Variants in LVRN observed in about 807,000 individuals in gnomAD.
LVRN encodes the protein aminopeptidase Q.
A neutral mutation model predicts 111.4 loss-of-function variants in LVRN; 99 were observed. The ratio of observed to expected loss-of-function variants is 0.89; its 90% confidence interval spans 0.76 to 1.05. LVRN has a LOEUF of 1.05. LVRN is among the 50% of genes least tolerant of loss of function. The pLI is 0.00. For synonymous variants in LVRN, 488 were observed against 449.5 expected (o/e 1.09, Z -1.08); for missense variants, 1,414 against 1,206.8 (o/e 1.17, Z -2.54).
At chr5:115,995,793 A>G (rs1176011004) in intron 6 of LVRN, among the ~76,000 whole-genome samples, 1 of 152,246 alleles carries the variant, frequency 6.6e-6, no homozygotes, top group East Asian at 1.9e-4. Context: ...ACTGAGGTAT[A>G]GAAGCATTAA....
chr5:115,969,024 A>T (rs766264987), intron 1 of LVRN, among the ~76,000 whole-genome samples: 7 of 152,194 alleles, frequency 4.6e-5, no homozygotes, highest in Admixed American at 6.5e-5. Context: ...CTTGACTGTT[A>T]TGAAGGAATG....
Position 116,015,723 on chromosome 5 carries a change from CAAAAGA to C in LVRN, c.2715_2720del (p.Lys906_Asp907del). Reference sequence around the variant, plus strand: ...TCATCTGAAGTTGGCCGGTATGTCGCAAAAGACTTCTTAGTCAACAACTGGCAAGCT... The same window carrying C: ...TCATCTGAAGTTGGCCGGTATGTCGCCTTCTTAGTCAACAACTGGCAAGCT... On this transcript the variant is annotated inframe_deletion, in exon 18 of 20. Coordinates refer to ENST00000357872, the MANE Select transcript of LVRN (RefSeq NM_173800.5). 2.5e-6 allele frequency: 4 copies of C among 1,613,390 alleles called. No homozygotes were observed. The highest frequency in any genetic ancestry group is 3.4e-6 in the Non-Finnish European group (4 of 1,179,570).
At chr5:116,023,718 T>G (rs957233202) in intron 19 of LVRN, 3 of 152,056 alleles carry the variant, frequency 2.0e-5, no homozygotes, top group African/African-American at 7.2e-5. Flanking sequence ...GAATACAATA[T>G]AAATACAACC....
chr5:116,015,199 C>A (rs1748573418), intron 16 of LVRN, 53 bp from the exon 17 acceptor site: 2 of 816,830 alleles, frequency 2.4e-6, no homozygotes, highest in East Asian at 6.0e-5. Context: ...AATATGATAA[C>A]CTGGGTAAAC....
chr5:116,022,282 A>G (rs1189686766), intron 18 of LVRN, 109 bp from the exon 19 acceptor site: 3 of 722,758 alleles, frequency 4.2e-6, no homozygotes, highest in African/African-American at 3.6e-5. Context: ...TAGATTTGTG[A>G]CATAGGAATT....
At position 116,002,825 on chromosome 5, in the gene LVRN, T is replaced by C. The variant is rs1260304896; in HGVS notation, c.1821-10T>C. 1 of 1,583,166 alleles carries C rather than the reference T, an allele frequency of 6.3e-7. No homozygotes were observed. Among genetic ancestry groups the C allele is most frequent in the Non-Finnish European group, 8.6e-7 (1 of 1,156,844 alleles). The stretch of plus-strand genomic sequence containing the variant: ...AAAAGTAACTAATTTTTTTATTTTC[T>C]TCCAATAAGTGACACATGGATTGTC... On this transcript the variant is annotated splice_polypyrimidine_tract_variant and intron_variant, in intron 10 of 19. Transcript: ENST00000357872.
chr5:115,992,114 T>C lies in LVRN; in HGVS notation c.1106-9T>C. On this transcript the variant is annotated splice_polypyrimidine_tract_variant and intron_variant, in intron 4 of 19. Coordinates refer to ENST00000357872, the MANE Select transcript of LVRN (RefSeq NM_173800.5). ...TATTTTATTTTCTCCTCCATTTAAA[T>C]CCACTTAGATATAATTGCCTTGCCT... is the stretch of plus-strand genomic sequence containing the variant. The C allele has an allele frequency of 1.9e-6, 3 of 1,590,418 alleles. No homozygotes were observed. The highest frequency in any genetic ancestry group is 1.7e-4 in the Middle Eastern group (1 of 5,960).
At chr5:116,005,709 G>C (rs536865259) in intron 12 of LVRN, 1 of 642,044 alleles carries the variant, frequency 1.6e-6, no homozygotes, top group East Asian at 3.1e-5. Flanking sequence ...TTGATGTCCA[G>C]AGGGTTCATT....
intron 18 of LVRN, among the ~76,000 whole-genome samples, chr5:116,016,290 A>C (rs528259922): frequency 2.8e-4 from 42 of 152,334 alleles, no homozygotes; most frequent in African/African-American, 1.0e-3. Context: ...AGGAATATTT[A>C]CTTAGTTCTT....
rs1367896884 is a variant in LVRN, at chr5:116,003,239, A to C, written c.1898-2A>C. ...TCAAATTATTCCCATATTCCTTTAT[A>C]GAAGTATTCCCAGAAATGCAAGTTT... On this transcript the variant is annotated splice_acceptor_variant, in intron 11 of 19. Coordinates refer to ENST00000357872, the MANE Select transcript of LVRN (RefSeq NM_173800.5). LOFTEE classifies it high-confidence loss of function. 6.3e-7 allele frequency: 1 copy of C among 1,575,604 alleles called. No homozygotes were observed. Among genetic ancestry groups the C allele is most frequent in the African/African-American group, 1.4e-5 (1 of 72,814 alleles).
In LVRN at chr5:115,976,787, G is replaced by A. The variant is rs79255243; in HGVS notation, c.696-6500G>A. Among the ~76,000 whole-genome samples, 629 of 152,178 alleles carry A rather than the reference G, an allele frequency of 4.1e-3. 5 individuals are homozygous for A. The highest frequency in any genetic ancestry group is 0.014 in the African/African-American group (578 of 41,506). On this transcript the variant is annotated intron_variant, in intron 1 of 19. Transcript: ENST00000357872. ...CTGACATTTAAATTTTTATGTTGTT[G>A]GATGCTGGATTTGGTTATATTGCTT...
chr5:115,987,829 G>C lies in LVRN; in HGVS notation c.995G>C (p.Arg332Pro). The stretch of plus-strand genomic sequence containing the variant: ...TTGATTTAGATACGCATCTGGGCCC[G>C]GAAAGATGCAATTGCAAATGGAAGT... ...ERGKEIRIWA[R>P]KDAIANGSAD... Residue 332 changes from arginine (R) to proline (P), a missense_variant, in exon 4 of 20, where the codon CGG (arginine) becomes CCG (proline). Coordinates refer to ENST00000357872, the MANE Select transcript of LVRN (RefSeq NM_173800.5). The C allele has an allele frequency of 6.2e-7, 1 of 1,612,332 alleles. No homozygotes were observed. Among genetic ancestry groups the C allele is most frequent in the Non-Finnish European group, 8.5e-7 (1 of 1,179,260 alleles).
At position 115,963,132 on chromosome 5, in the gene LVRN, G is replaced by A. The variant is rs1444098667; in HGVS notation, c.515G>A (p.Gly172Asp). 2 of 1,613,346 alleles carry A rather than the reference G, an allele frequency of 1.2e-6. No individual in the cohort carries two copies. The highest frequency in any genetic ancestry group is 1.7e-6 in the Non-Finnish European group (2 of 1,179,922). ...CCGGGCACTGGGAACGCCACAGTGG[G>A]CCGCGTGCCCGTGGACGACGTGTGG... ...LSPGTGNATV[G>D]RVPVDDVWFA... is the part of the protein sequence containing the mutation. The change falls in exon 1 of 20, where the codon GGC (glycine) becomes GAC (aspartate). Residue 172 changes from glycine to aspartate, a missense_variant. Coordinates refer to ENST00000357872, the MANE Select transcript of LVRN (RefSeq NM_173800.5).
chr5:116,000,982 G>T (rs77885770), intron 9 of LVRN, 85 bp from the exon 10 acceptor site: 4 of 1,434,158 alleles, frequency 2.8e-6, no homozygotes, highest in Non-Finnish European at 3.8e-6. Context: ...GAAGAGAATA[G>T]CTACCGAGTT....
intron 1 of LVRN, among the ~76,000 whole-genome samples, chr5:115,978,800 C>T (rs778092963): frequency 1.3e-4 from 20 of 151,978 alleles, no homozygotes; most frequent in Non-Finnish European, 5.9e-5. Context: ...ATTTTGATTC[C>T]ACGGGAGTCC....
chr5:115,966,426 A>G (rs1753204352), intron 1 of LVRN, among the ~76,000 whole-genome samples: 1 of 152,200 alleles, frequency 6.6e-6, no homozygotes. Context: ...GATGTATGAA[A>G]GTTTATTTAG....
chr5:115,968,286 T>C (rs1472073267), intron 1 of LVRN, among the ~76,000 whole-genome samples: 1 of 152,182 alleles, frequency 6.6e-6, no homozygotes, highest in East Asian at 1.9e-4. Context: ...TTTCTGAGAG[T>C]TTCTTTTGCA....
chr5:116,010,975 G>A, intron 14 of LVRN, 81 bp downstream of exon 14: 1 of 1,007,146 alleles, frequency 9.9e-7, no homozygotes, highest in Non-Finnish European at 1.3e-6. Flanking sequence ...CTGTGAGACA[G>A]GTCTTTTCCA....
rs1054600935 is a variant in LVRN at position 116,014,649 on chromosome 5, A to C, written c.2450+122A>C. ...TTCACTTGGTTAGGCGCTCTCTCCT[A>C]CTATTCTTTTCAAATACCTTTTTTA... On this transcript the variant is annotated intron_variant, in intron 16 of 19. Coordinates refer to ENST00000357872, the MANE Select transcript of LVRN (RefSeq NM_173800.5). 22 of 740,102 alleles carry C rather than the reference A, an allele frequency of 3.0e-5. 1 individual carries two copies. Among genetic ancestry groups the C allele is most frequent in the African/African-American group, 2.2e-4 (12 of 55,792 alleles). 45.8% of individuals were successfully genotyped at this position (740,102 alleles called of 1,614,324 possible).
Sources: gnomAD v4.1 joint callset for allele counts (sites outside exome capture counted in the v4.1 genomes callset) on GRCh38, gnomAD v4.1.1 for gene constraint, MANE v1.5 for transcripts, NCBI Gene and HGNC (gene_info 2026-07-23, HGNC 2026-07-21) for gene names.